Variants in GMFB observed in about 807,000 individuals in gnomAD.
The protein encoded by GMFB is GMF-beta.
In GMFB, 13 loss-of-function variants were observed where a neutral mutation model predicts 25.6. The observed-to-expected ratio is 0.51, with a 90% CI of 0.33 to 0.81. GMFB has a LOEUF of 0.81. Ranked by LOEUF, GMFB falls within the 30% of genes least tolerant of loss-of-function variation. GMFB has a pLI of 0.02. For missense variants in GMFB, 146 were observed against 175.4 expected (o/e 0.83, Z 0.95); for synonymous variants, 57 against 56.9 (o/e 1.00, Z 0.00).
At chr14:54,482,471 T>C (rs1594633974) in intron 2 of GMFB, among the ~76,000 whole-genome samples, 1 of 152,196 alleles carries the variant, frequency 6.6e-6, no homozygotes, top group African/African-American at 2.4e-5. Flanking sequence ...CCTGTGTATA[T>C]GAAAGAACTT....
chr14:54,485,960 C>T (rs969606117), intron 1 of GMFB, among the ~76,000 whole-genome samples: 1 of 152,102 alleles, frequency 6.6e-6, no homozygotes, highest in African/African-American at 2.4e-5. Flanking sequence ...CAGAATAAAA[C>T]CAGACCCCGG....
chr14:54,478,163 T>TTAA lies in GMFB; in HGVS notation c.358-5_358-4insTTA. 1 of 876,578 alleles carries TTAA rather than the reference T, an allele frequency of 1.1e-6. No individual in the cohort carries two copies. Among genetic ancestry groups the TTAA allele is most frequent in the Non-Finnish European group, 1.6e-6 (1 of 624,888 alleles). 54.3% of individuals were successfully genotyped at this position (876,578 alleles called of 1,614,324 possible). A position where few individuals can be genotyped will look rare whatever the true frequency, so the allele number is the denominator to read the frequency against. On this transcript the variant is annotated splice_polypyrimidine_tract_variant and splice_region_variant and intron_variant, in intron 6 of 6. Coordinates refer to ENST00000358056, the MANE Select transcript of GMFB (RefSeq NM_004124.3). ...CGGTATTTCTTATTTCAAATACCTT[T>TTAA]AAAAAAAAAAAAAACTTGGGTCATA...
In GMFB at chr14:54,478,017, A is replaced by T; in HGVS notation, c.*71T>A. On this transcript the variant is annotated 3_prime_UTR_variant, in exon 7 of 7. Coordinates refer to ENST00000358056, the MANE Select transcript of GMFB (RefSeq NM_004124.3). The stretch of plus-strand genomic sequence containing the variant: ...AGTAACAGTGCATTTTTAGGCATAA[A>T]TAAGTATTTATGTCTGATTCCAGTA... The T allele has an allele frequency of 1.5e-6, 1 of 669,734 alleles. No homozygotes were observed. The highest frequency in any genetic ancestry group is 2.5e-6 in the Non-Finnish European group (1 of 398,350). The allele number at this position is 669,734 out of a possible 1,614,324, so 41.5% of individuals were successfully genotyped here. A position where few individuals can be genotyped will look rare whatever the true frequency, so the allele number is the denominator to read the frequency against.
At chr14:54,478,599 G>A (rs967119330) in intron 6 of GMFB, 1 of 152,366 alleles carries the variant, frequency 6.6e-6, no homozygotes, top group Non-Finnish European at 1.5e-5. Context: ...GAGGGAGATG[G>A]AGATCAGCCA....
intron 6 of GMFB, chr14:54,478,388 A>G (rs183237175): frequency 3.3e-6 from 1 of 299,752 alleles, no homozygotes; most frequent in East Asian, 5.4e-5. Flanking sequence ...CTAAGTACTC[A>G]GTTACCAAAG....
chr14:54,487,478 G>T (rs1256385746), intron 1 of GMFB, among the ~76,000 whole-genome samples: 2 of 152,144 alleles, frequency 1.3e-5, no homozygotes, highest in Non-Finnish European at 2.9e-5. Flanking sequence ...GGCGGAGCTT[G>T]CAGTGAGCGG....
At chr14:54,482,687 T>C (rs767744527) in intron 2 of GMFB, among the ~76,000 whole-genome samples, 13 of 152,286 alleles carry the variant, frequency 8.5e-5, no homozygotes, top group South Asian at 6.2e-4. Flanking sequence ...AATAACCAAA[T>C]AGAAGTGATA....
At chr14:54,485,524 T>C (rs1390597574) in intron 1 of GMFB, among the ~76,000 whole-genome samples, 2 of 152,008 alleles carry the variant, frequency 1.3e-5, no homozygotes, top group Admixed American at 6.5e-5. Context: ...GAAGAGAACA[T>C]ACAAAAATGG....
chr14:54,483,356 G>A (rs1043513122), intron 2 of GMFB: 2 of 235,548 alleles, frequency 8.5e-6, no homozygotes, highest in Non-Finnish European at 1.7e-5. Context: ...GCTATTTTTA[G>A]TCCCCCAAGA....
chr14:54,483,453 C>T, intron 2 of GMFB: 1 of 520,676 alleles, frequency 1.9e-6, no homozygotes, highest in Non-Finnish European at 3.4e-6. Context: ...GTACAGGCAG[C>T]TGATAAAAGG....
intron 6 of GMFB, chr14:54,478,874 T>A (rs1410468597): frequency 6.6e-6 from 1 of 152,196 alleles, no homozygotes; most frequent in Admixed American, 6.5e-5. Flanking sequence ...ACTGGTAAAC[T>A]GTAATGTCTC....
chr14:54,484,600 T>G (rs2031758699), intron 1 of GMFB, among the ~76,000 whole-genome samples: 1 of 152,108 alleles, frequency 6.6e-6, no homozygotes, highest in Admixed American at 6.6e-5. Flanking sequence ...ACTGCTGAAT[T>G]CTACCAAAGA....
At chr14:54,480,346 T>C (rs1401343955) in intron 5 of GMFB, 1 of 158,442 alleles carries the variant, frequency 6.3e-6, no homozygotes. Context: ...GTTTGGAGAA[T>C]AGCTCAGTGA....
In GMFB at chr14:54,478,011, G is replaced by T; in HGVS notation, c.*77C>A. On this transcript the variant is annotated 3_prime_UTR_variant, in exon 7 of 7. Coordinates refer to ENST00000358056, the MANE Select transcript of GMFB (RefSeq NM_004124.3). ...ACTGTAAGTAACAGTGCATTTTTAG[G>T]CATAAATAAGTATTTATGTCTGATT... 1 of 638,206 alleles carries T rather than the reference G, an allele frequency of 1.6e-6. No individual in the cohort carries two copies. The highest frequency in any genetic ancestry group is 2.7e-6 in the Non-Finnish European group (1 of 373,596). 39.5% of individuals were successfully genotyped at this position (638,206 alleles called of 1,614,324 possible). A position where few individuals can be genotyped will look rare whatever the true frequency, so the allele number is the denominator to read the frequency against.
rs921681739 is a variant in GMFB, at chr14:54,481,459, C to G, written c.151-1G>C. Reference sequence around the variant, plus strand: ...CTTTAAGTTCATCTGGTGAAATGCCCTGGCACCACAGAGAAAAGCAACTTT... The same window carrying G: ...CTTTAAGTTCATCTGGTGAAATGCCGTGGCACCACAGAGAAAAGCAACTTT... On this transcript the variant is annotated splice_acceptor_variant, in intron 3 of 6. Coordinates refer to ENST00000358056, the MANE Select transcript of GMFB (RefSeq NM_004124.3). LOFTEE classifies it high-confidence loss of function. The G allele has an allele frequency of 6.2e-7, 1 of 1,606,512 alleles. No individual in the cohort carries two copies. Among genetic ancestry groups the G allele is most frequent in the Non-Finnish European group, 8.5e-7 (1 of 1,173,508 alleles).
intron 6 of GMFB, 35 bp from the exon 7 acceptor site, chr14:54,478,194 A>G: frequency 1.3e-6 from 1 of 769,096 alleles, no homozygotes; most frequent in Non-Finnish European, 2.0e-6. Context: ...TCATACTTTG[A>G]CACTCCAAAA....
Position 54,488,134 on chromosome 14 carries a change from C to G in GMFB, c.3+791G>C, listed in dbSNP as rs375713171. ...GGGCTGAGAATTGAGTGGATGGTCACAGAGAGCAGTGTTTTGTTGTTTCTA... is the reference window on the plus strand; with the variant it reads ...GGGCTGAGAATTGAGTGGATGGTCAGAGAGAGCAGTGTTTTGTTGTTTCTA... On this transcript the variant is annotated intron_variant, in intron 1 of 6. Transcript: ENST00000358056. Among the ~76,000 whole-genome samples the G allele has an allele frequency of 1.0e-3, 158 of 152,318 alleles. 6 individuals are homozygous for G. The South Asian group carries it at 0.028, about 27-fold the overall frequency.
At position 54,478,039 on chromosome 14, in the gene GMFB, A is replaced by C. The variant is rs774212905; in HGVS notation, c.*49T>G. ...TAAATAAGTATTTATGTCTGATTCC[A>C]GTATGGTCAGGTTAATACATAAATA... On this transcript the variant is annotated 3_prime_UTR_variant, in exon 7 of 7. Coordinates refer to ENST00000358056, the MANE Select transcript of GMFB (RefSeq NM_004124.3). 2 of 759,134 alleles carry C rather than the reference A, an allele frequency of 2.6e-6. No individual in the cohort carries two copies. The highest frequency in any genetic ancestry group is 4.3e-6 in the Non-Finnish European group (2 of 468,398). The allele number at this position is 759,134 out of a possible 1,614,324, so 47.0% of individuals were successfully genotyped here. A position where few individuals can be genotyped will look rare whatever the true frequency, so the allele number is the denominator to read the frequency against.
Position 54,482,191 on chromosome 14 carries a change from T to C in GMFB, c.112A>G (p.Lys38Glu). ...NNAAIIMKID[K>E]DKRLVVLDEE... Reference sequence around the variant, plus strand: ...TCCAGTACCACCAGGCGTTTATCCTTGTCAATCTTCACTAAAATAAAAATC... The same window carrying C: ...TCCAGTACCACCAGGCGTTTATCCTCGTCAATCTTCACTAAAATAAAAATC... Residue 38 changes from lysine (K) to glutamate (E), a missense_variant, in exon 3 of 7, where the codon AAG becomes GAG. Physicochemically the swap from Lys to Glu is moderately conservative, Grantham distance 56. Transcript: ENST00000358056. 2 of 1,603,946 alleles carry C rather than the reference T, an allele frequency of 1.2e-6. No individual in the cohort carries two copies. Among genetic ancestry groups the C allele is most frequent in the Admixed American group, 1.7e-5 (1 of 59,968 alleles).
Sources: allele counts gnomAD v4.1 joint callset (sites outside exome capture counted in the v4.1 genomes callset), GRCh38; gene constraint gnomAD v4.1.1; transcripts MANE v1.5; gene names NCBI Gene and HGNC (gene_info 2026-07-23, HGNC 2026-07-21).